The following SYTL5 variants were observed in gnomAD, a reference collection of about 807,000 sequenced individuals.
SYTL5 encodes the protein synaptotagmin like 5.
SYTL5 carries 34 observed loss-of-function variants against 55.9 expected under a neutral mutation model. The ratio of observed to expected loss-of-function variants is 0.61; its 90% CI spans 0.46 to 0.81. The LOEUF is 0.81. Among genes scored for constraint, SYTL5 ranks in the 30% least tolerant of loss-of-function variants. The pLI, the probability that SYTL5 is intolerant of heterozygous loss-of-function variation, is 0.00. For synonymous variants in SYTL5, 221 were observed against 188.7 expected, an observed-to-expected ratio of 1.17 and a Z score of -1.40; for missense variants, 637 against 546.7, an observed-to-expected ratio of 1.17 and a Z score of -1.65.
intron 13 of SYTL5, among the ~76,000 whole-genome samples, chrX:38,110,704 C>T (rs1937338304): frequency 8.9e-6 from 1 of 112,014 alleles, no homozygotes; most frequent in African/African-American, 3.2e-5. Flanking sequence ...GCTACATAAT[C>T]ATTTTTTTGT....
At chrX:38,123,209 G>T (rs766373310) in intron 15 of SYTL5, among the ~76,000 whole-genome samples, 21 of 112,198 alleles carry the variant, frequency 1.9e-4, no homozygotes, top group Non-Finnish European at 3.4e-4. Flanking sequence ...GTGCCATCTC[G>T]GCTCACTGCA....
At chrX:38,041,604 T>C (rs745459063) in intron 2 of SYTL5, among the ~76,000 whole-genome samples, 1 of 112,356 alleles carries the variant, frequency 8.9e-6, no homozygotes, top group East Asian at 2.8e-4. Flanking sequence ...CAGATCTGCC[T>C]TAAACCTTGG....
the SYTL5 span, among the ~76,000 whole-genome samples, chrX:37,949,990 T>A: frequency 8.9e-6 from 1 of 111,760 alleles, no homozygotes; most frequent in Non-Finnish European, 1.9e-5. Context: ...TTGCAAAAAA[T>A]TTTTAAATGT....
intron 2 of SYTL5, among the ~76,000 whole-genome samples, chrX:38,050,747 C>T (rs1346330711): frequency 8.9e-6 from 1 of 112,321 alleles, no homozygotes; most frequent in African/African-American, 3.2e-5. Context: ...ATTTCTCACT[C>T]ATGCCACATG....
chrX:37,983,871 G>C, the SYTL5 span, among the ~76,000 whole-genome samples: 1 of 111,483 alleles, frequency 9.0e-6, no homozygotes, highest in South Asian at 3.7e-4. Flanking sequence ...GAAAGTAAAC[G>C]ACACACTCCT....
At chrX:37,980,891 A>G in the SYTL5 span, among the ~76,000 whole-genome samples, 1 of 112,202 alleles carries the variant, frequency 8.9e-6, no homozygotes, top group African/African-American at 3.2e-5. Context: ...CATAGATTCT[A>G]ATCCATGTGT....
intron 3 of SYTL5, among the ~76,000 whole-genome samples, chrX:38,065,557 A>G (rs1335241984): frequency 8.9e-6 from 1 of 111,800 alleles, no homozygotes; most frequent in African/African-American, 3.3e-5. Flanking sequence ...CTGTCATGCT[A>G]ATTGTGGTTC....
chrX:38,071,863 G>A (rs1936274101), intron 3 of SYTL5, among the ~76,000 whole-genome samples, 184 bp from the exon 4 acceptor site: 1 of 112,205 alleles, frequency 8.9e-6, no homozygotes, highest in Non-Finnish European at 1.9e-5. Context: ...ACCGTAATTA[G>A]CAAGTACCTA....
chrX:37,978,445 G>A, the SYTL5 span, among the ~76,000 whole-genome samples: 1 of 111,890 alleles, frequency 8.9e-6, no homozygotes, highest in East Asian at 2.8e-4. Context: ...GAAATGAACC[G>A]CAGTAGTTCC....
upstream of SYTL5, among the ~76,000 whole-genome samples, chrX:38,002,892 T>A (rs1450414084): frequency 1.8e-5 from 2 of 111,980 alleles, no homozygotes; most frequent in Non-Finnish European, 3.8e-5. Context: ...TTTGTCAATT[T>A]TGTCTTTTGT....
intron 6 of SYTL5, among the ~76,000 whole-genome samples, chrX:38,087,788 A>G (rs1353899686): frequency 9.0e-6 from 1 of 111,381 alleles, no homozygotes; most frequent in Non-Finnish European, 1.9e-5. Flanking sequence ...AATGATGAGT[A>G]AGCAGTATGA....
At position 38,102,890 on chromosome X, in the gene SYTL5, T is replaced by A. The variant is rs752743518; in HGVS notation, c.1155+456T>A. ...TACAAAATAAAGTCCTTTCTTACTT[T>A]AGTGTTCAAGGCCTTTTTTGAGAGG... On this transcript the variant is annotated intron_variant, in intron 10 of 16. Coordinates refer to ENST00000297875, the MANE Select transcript of SYTL5 (RefSeq NM_138780.3). 14 of 445,263 alleles carry A rather than the reference T, an allele frequency of 3.1e-5. No individual in the cohort carries two copies. In the South Asian group the frequency reaches 6.0e-4, roughly 19 times the overall value. The allele number at this position is 445,263 out of a possible 1,213,427, so 36.7% of individuals were successfully genotyped here.
At chrX:38,125,276 T>C in intron 15 of SYTL5, 22 bp from the exon 16 acceptor site, 1 of 1,184,907 alleles carries the variant, frequency 8.4e-7, no homozygotes, top group South Asian at 1.8e-5. Flanking sequence ...TATTGATGAT[T>C]TGATTGTTTT....
intron 3 of SYTL5, among the ~76,000 whole-genome samples, chrX:38,063,872 G>A (rs1295884381): frequency 9.0e-6 from 1 of 111,487 alleles, no homozygotes; most frequent in Admixed American, 9.5e-5. Context: ...CATATGGCCT[G>A]ACAAACATGT....
At chrX:38,030,739 C>A (rs1266666554) in intron 1 of SYTL5, among the ~76,000 whole-genome samples, 2 of 112,144 alleles carry the variant, frequency 1.8e-5, no homozygotes, top group African/African-American at 3.2e-5. Flanking sequence ...AATGGTGAAG[C>A]CTTTGATGCT....
Position 38,128,730 on chromosome X carries a change from G to C in SYTL5, c.*2000G>C, listed in dbSNP as rs1214751519. 1 of 111,217 alleles carries C rather than the reference G, an allele frequency of 9.0e-6. No homozygotes were observed. Among genetic ancestry groups the C allele is most frequent in the African/African-American group, 3.3e-5 (1 of 30,609 alleles). The allele number at this position is 111,217 out of a possible 1,213,427, so 9.2% of individuals were successfully genotyped here. On this transcript the variant is annotated 3_prime_UTR_variant, in exon 17 of 17. Transcript: ENST00000297875. ...GAAAATCTGCACATATCCTTGTGCT[G>C]CCCTTCTTAAAAACAGAAAACAAAA...
At chrX:38,025,800 C>A (rs1232664492) in intron 1 of SYTL5, among the ~76,000 whole-genome samples, 1 of 112,093 alleles carries the variant, frequency 8.9e-6, no homozygotes. Context: ...TATGAAATCG[C>A]TGAAAAGAGA....
At chrX:38,034,158 A>G (rs1935039610) in intron 2 of SYTL5, 150 bp downstream of exon 2, 3 of 302,363 alleles carry the variant, frequency 9.9e-6, no homozygotes, top group Non-Finnish European at 1.7e-5. Flanking sequence ...AAATATCGGA[A>G]AACTTTGGCA....
the SYTL5 span, among the ~76,000 whole-genome samples, chrX:37,908,203 G>C: frequency 9.0e-6 from 1 of 111,155 alleles, no homozygotes. Context: ...ACAATATCAG[G>C]GTTCTGAGTC....
Sources: gnomAD v4.1 joint callset for allele counts (sites outside exome capture counted in the v4.1 genomes callset) on GRCh38, gnomAD v4.1.1 for gene constraint, MANE v1.5 for transcripts, NCBI Gene and HGNC (gene_info 2026-07-23, HGNC 2026-07-21) for gene names.